Variants in CD86 observed in about 807,000 individuals in gnomAD.
CD86 encodes T-lymphocyte activation antigen CD86.
A neutral mutation model predicts 32.1 loss-of-function variants in CD86; 11 were observed. The ratio of observed to expected loss-of-function variants is 0.34; its 90% CI spans 0.22 to 0.57. CD86 has a LOEUF of 0.57. Among genes scored for constraint, CD86 ranks in the 20% least tolerant of loss-of-function variants. The pLI is 0.86. For synonymous variants in CD86, 137 were observed against 135.3 expected (o/e 1.01, Z -0.09); for missense variants, 359 against 398.4 (o/e 0.90, Z 0.84).
intron 2 of CD86, among the ~76,000 whole-genome samples, chr3:122,101,360 A>G (rs1223344556): frequency 6.6e-6 from 1 of 151,868 alleles, no homozygotes; most frequent in African/African-American, 2.4e-5. Context: ...TGCTAGGTGA[A>G]GAAGGGAGCA....
At chr3:122,101,495 G>GAAAAAAA (rs72402574) in intron 2 of CD86, among the ~76,000 whole-genome samples, 6 of 53,398 alleles carry the variant, frequency 1.1e-4, no homozygotes, top group African/African-American at 3.3e-4. Flanking sequence ...AGGCTCTACA[G>GAAAAAAA]AAAAAAAAAA....
intron 1 of CD86, among the ~76,000 whole-genome samples, chr3:122,086,113 G>C (rs2072714026): frequency 6.6e-6 from 1 of 152,164 alleles, no homozygotes; most frequent in Admixed American, 6.5e-5. Flanking sequence ...TTTAGTGCCA[G>C]GTGGGGGACC....
intron 1 of CD86, 81 bp from the exon 2 acceptor site, chr3:122,091,520 C>A (rs915120854): frequency 4.1e-5 from 46 of 1,117,670 alleles, no homozygotes; most frequent in Non-Finnish European, 5.6e-5. Flanking sequence ...CCAAACTCCA[C>A]GTCCAGGTCA....
intron 1 of CD86, among the ~76,000 whole-genome samples, chr3:122,071,339 G>C (rs2072486145): frequency 6.7e-6 from 1 of 150,000 alleles, no homozygotes; most frequent in African/African-American, 2.4e-5. Context: ...TGTCTCCACA[G>C]TTTTGCCTTT....
chr3:122,065,270 A>G (rs1383378029), intron 1 of CD86, among the ~76,000 whole-genome samples: 1 of 152,196 alleles, frequency 6.6e-6, no homozygotes, highest in Non-Finnish European at 1.5e-5. Context: ...GAGCTTGGAG[A>G]GAGCTGTGTT....
chr3:122,073,829 G>C (rs797014943), intron 1 of CD86, among the ~76,000 whole-genome samples: 5 of 152,316 alleles, frequency 3.3e-5, no homozygotes, highest in African/African-American at 1.2e-4. Flanking sequence ...ATGAATTTCT[G>C]TCCATGAATC....
intron 3 of CD86, among the ~76,000 whole-genome samples, chr3:122,105,363 T>G (rs766219176): frequency 3.8e-4 from 58 of 152,164 alleles, no homozygotes; most frequent in Admixed American, 7.9e-4. Context: ...ATAGCAAAAC[T>G]TATAAAGATG....
At chr3:122,064,133 C>A (rs979982684) in intron 1 of CD86, among the ~76,000 whole-genome samples, 1 of 151,994 alleles carries the variant, frequency 6.6e-6, no homozygotes, top group Non-Finnish European at 1.5e-5. Flanking sequence ...AACCATGCCT[C>A]TGCACCATCC....
intron 4 of CD86, among the ~76,000 whole-genome samples, chr3:122,108,175 C>T (rs2073120200): frequency 6.6e-6 from 1 of 152,230 alleles, no homozygotes; most frequent in South Asian, 2.1e-4. Context: ...ACAGGTACCC[C>T]CATCTTCAGA....
rs1293913732 is a variant in CD86, at chr3:122,064,955, A to G, written c.14+9452A>G. 3.3e-5 allele frequency among the ~76,000 whole-genome samples: 5 copies of G among 152,340 alleles called. No homozygotes were observed. The East Asian group carries it at 5.8e-4, about 18-fold the overall frequency. On this transcript the variant is annotated intron_variant, in intron 1 of 6. Transcript: ENST00000330540. ...ATAGAAATCCTGTTTAGAAGCTTCT[A>G]TGGGAAGAGATATCACCATAGCTAA...
rs1359422308 is a variant in CD86 at position 122,119,687 on chromosome 3, T to C, written c.*153T>C. ...CTCCCTCTAAGTGGAATAGCCTCCC[T>C]GTAACTCCAGCTCTGCTCCGTATGC... On this transcript the variant is annotated 3_prime_UTR_variant, in exon 7 of 7. Coordinates refer to ENST00000330540, the MANE Select transcript of CD86 (RefSeq NM_175862.5). 1 of 605,902 alleles carries C rather than the reference T, an allele frequency of 1.7e-6. No individual in the cohort carries two copies. Among genetic ancestry groups the C allele is most frequent in the Non-Finnish European group, 3.0e-6 (1 of 338,448 alleles). 37.5% of individuals were successfully genotyped at this position (605,902 alleles called of 1,614,324 possible). A position where few individuals can be genotyped will look rare whatever the true frequency, so the allele number is the denominator to read the frequency against.
intron 6 of CD86, 98 bp downstream of exon 6, chr3:122,118,191 G>T (rs557112223): frequency 2.2e-4 from 218 of 988,484 alleles, no homozygotes; most frequent in Non-Finnish European, 3.3e-4. Context: ...TGAGACCTCA[G>T]CAAACCTGAA....
intron 1 of CD86, among the ~76,000 whole-genome samples, chr3:122,082,237 T>C (rs998784312): frequency 6.6e-6 from 1 of 152,214 alleles, no homozygotes; most frequent in African/African-American, 2.4e-5. Flanking sequence ...TTAAAAGTTT[T>C]CCATCATCTG....
At chr3:122,101,931 G>T (rs778869390) in intron 2 of CD86, among the ~76,000 whole-genome samples, 1 of 152,000 alleles carries the variant, frequency 6.6e-6, no homozygotes, top group African/African-American at 2.4e-5. Flanking sequence ...TCCTCTACAG[G>T]TGGTGCATTT....
At chr3:122,073,570 A>T (rs2072518855) in intron 1 of CD86, among the ~76,000 whole-genome samples, 2 of 152,178 alleles carry the variant, frequency 1.3e-5, no homozygotes, top group Non-Finnish European at 2.9e-5. Flanking sequence ...AATTTATTGC[A>T]AATGTCTTAT....
intron 4 of CD86, among the ~76,000 whole-genome samples, chr3:122,106,709 T>C (rs574075129): frequency 6.6e-6 from 1 of 152,268 alleles, no homozygotes; most frequent in East Asian, 1.9e-4. Flanking sequence ...TGAAGAAATA[T>C]GCTTTTAGCC....
chr3:122,106,591 A>C, intron 4 of CD86, 91 bp downstream of exon 4: 1 of 1,169,280 alleles, frequency 8.6e-7, no homozygotes, highest in Non-Finnish European at 1.2e-6. Context: ...TTGCTAGGAA[A>C]CCTCCAACTG....
chr3:122,072,744 A>G (rs2072505882), intron 1 of CD86, among the ~76,000 whole-genome samples: 1 of 151,972 alleles, frequency 6.6e-6, no homozygotes, highest in Non-Finnish European at 1.5e-5. Context: ...ATTAGATCCC[A>G]TTTGTCAATT....
intron 2 of CD86, among the ~76,000 whole-genome samples, chr3:122,092,627 C>G (rs1015516051): frequency 6.6e-6 from 1 of 152,190 alleles, no homozygotes; most frequent in Admixed American, 6.5e-5. Flanking sequence ...TGCCATGTAT[C>G]CTGTGACTCA....
Sources: allele counts gnomAD v4.1 joint callset (sites outside exome capture counted in the v4.1 genomes callset), GRCh38; gene constraint gnomAD v4.1.1; transcripts MANE v1.5; gene names NCBI Gene and HGNC (gene_info 2026-07-23, HGNC 2026-07-21).